Variants in ENTREP2 observed in about 807,000 individuals in gnomAD.
ENTREP2 encodes endosomal transmembrane epsin interactor 2.
At chr15:29,592,170 T>C in the ENTREP2 span, among the ~76,000 whole-genome samples, 1 of 152,108 alleles carries the variant, frequency 6.6e-6, no homozygotes, top group Non-Finnish European at 1.5e-5. Flanking sequence ...CTCTGCCCCC[T>C]GGTTCTGCTG....
the ENTREP2 span, among the ~76,000 whole-genome samples, chr15:29,241,090 A>G: frequency 2.0e-5 from 3 of 152,352 alleles, no homozygotes; most frequent in Non-Finnish European, 4.4e-5. Flanking sequence ...AATTCATTCA[A>G]TGCTATCATA....
the ENTREP2 span, among the ~76,000 whole-genome samples, chr15:29,517,524 A>T: frequency 2.6e-5 from 4 of 151,806 alleles, no homozygotes; most frequent in Non-Finnish European, 2.9e-5. Context: ...TTCCCGTTGT[A>T]AAAAAAAGGA....
chr15:29,118,647 C>G, the ENTREP2 span, among the ~76,000 whole-genome samples: 1 of 152,210 alleles, frequency 6.6e-6, no homozygotes, highest in African/African-American at 2.4e-5. Context: ...AGCCAGGGAG[C>G]CTTGGGCTTC....
chr15:29,252,078 A>G, the ENTREP2 span, among the ~76,000 whole-genome samples: 46 of 152,250 alleles, frequency 3.0e-4, no homozygotes, highest in Non-Finnish European at 4.4e-4. Flanking sequence ...GTTACTAAGG[A>G]TATTTATTCC....
the ENTREP2 span, among the ~76,000 whole-genome samples, chr15:29,383,798 C>G: frequency 6.6e-6 from 1 of 152,192 alleles, no homozygotes; most frequent in East Asian, 1.9e-4. Context: ...ACAACAAAAA[C>G]ATGAACCAAA....
chr15:29,624,990 G>T, the ENTREP2 span, among the ~76,000 whole-genome samples: 2 of 151,538 alleles, frequency 1.3e-5, no homozygotes, highest in East Asian at 1.9e-4. Context: ...CATCTCTGGG[G>T]AACTATCTCA....
At chr15:29,179,523 G>A in the ENTREP2 span, among the ~76,000 whole-genome samples, 1 of 152,072 alleles carries the variant, frequency 6.6e-6, no homozygotes, top group Non-Finnish European at 1.5e-5. Context: ...AGCTTAGTTT[G>A]AGTCATCGGA....
chr15:29,496,638 T>C, the ENTREP2 span, among the ~76,000 whole-genome samples: 1 of 152,258 alleles, frequency 6.6e-6, no homozygotes, highest in East Asian at 1.9e-4. Context: ...ATTGTTGAAT[T>C]TTGTCAAATG....
the ENTREP2 span, among the ~76,000 whole-genome samples, chr15:29,199,262 C>T: frequency 3.9e-5 from 6 of 152,020 alleles, no homozygotes; most frequent in African/African-American, 1.4e-4. Flanking sequence ...TTGTTTTAGT[C>T]TTTTTAATTT....
chr15:29,219,663 A>ATATATATATATG, the ENTREP2 span, among the ~76,000 whole-genome samples: 1 of 121,272 alleles, frequency 8.2e-6, no homozygotes, highest in Non-Finnish European at 1.7e-5. Context: ...ATATATATAT[A>ATATATATATATG]TGATGGAATA....
chr15:29,293,320 G>A, the ENTREP2 span, among the ~76,000 whole-genome samples: 4 of 151,846 alleles, frequency 2.6e-5, no homozygotes, highest in Admixed American at 2.0e-4. Context: ...GCACAATCTC[G>A]GCTCACTGCA....
the ENTREP2 span, among the ~76,000 whole-genome samples, chr15:29,413,976 C>A: frequency 6.6e-6 from 1 of 152,132 alleles, no homozygotes; most frequent in African/African-American, 2.4e-5. Context: ...GCACCCAATA[C>A]AGGAGCACCC....
chr15:29,262,020 C>T, the ENTREP2 span, among the ~76,000 whole-genome samples: 2 of 136,426 alleles, frequency 1.5e-5, no homozygotes, highest in African/African-American at 5.6e-5. Flanking sequence ...AAGATCAATA[C>T]AACAAAAGTT....
the ENTREP2 span, among the ~76,000 whole-genome samples, chr15:29,380,487 T>C: frequency 6.6e-6 from 1 of 152,202 alleles, no homozygotes; most frequent in South Asian, 2.1e-4. Context: ...TTTTTCATTA[T>C]CTATCAAAAC....
At chr15:29,634,217 G>A in the ENTREP2 span, among the ~76,000 whole-genome samples, 4 of 152,064 alleles carry the variant, frequency 2.6e-5, no homozygotes, top group Admixed American at 6.6e-5. Flanking sequence ...AGGATTAGCC[G>A]GTTTGCCAGA....
chr15:29,601,119 G>T, the ENTREP2 span, among the ~76,000 whole-genome samples: 4 of 147,684 alleles, frequency 2.7e-5, no homozygotes, highest in African/African-American at 1.1e-4. Context: ...GGATGGTCTC[G>T]ATCTCCTGAC....
At chr15:29,570,640 G>A in the ENTREP2 span, 1 of 1,378,686 alleles carries the variant, frequency 7.3e-7, no homozygotes, top group South Asian at 1.5e-5. Flanking sequence ...CGATGCGGGA[G>A]CGGCCCGGGC....
At chr15:29,123,251 T>C in the ENTREP2 span, 1 of 1,359,240 alleles carries the variant, frequency 7.4e-7, no homozygotes, top group East Asian at 2.5e-5. Flanking sequence ...AAGCTGGGCC[T>C]GAAGGCCTCT....
the ENTREP2 span, among the ~76,000 whole-genome samples, chr15:29,476,962 G>A: frequency 6.6e-5 from 10 of 152,106 alleles, no homozygotes; most frequent in East Asian, 1.9e-4. Flanking sequence ...CCAAGGCCAC[G>A]TACGAGAATG....
Sources: gnomAD v4.1 joint callset for allele counts (sites outside exome capture counted in the v4.1 genomes callset) on GRCh38, gnomAD v4.1.1 for gene constraint, MANE v1.5 for transcripts, NCBI Gene and HGNC (gene_info 2026-07-23, HGNC 2026-07-21) for gene names.